Variants in NAALADL2 observed in about 807,000 individuals in gnomAD.
NAALADL2 encodes N-acetylated alpha-linked acidic dipeptidase like 2, also known as inactive N-acetylated-alpha-linked acidic dipeptidase-like protein 2.
NAALADL2 carries 76 observed loss-of-function variants against 87.2 expected under a neutral mutation model. The ratio of observed to expected loss-of-function variants is 0.87; its 90% confidence interval spans 0.72 to 1.05. The LOEUF is 1.05. Among genes scored for constraint, NAALADL2 ranks in the 50% least tolerant of loss-of-function variants. The pLI is 0.00. For missense variants in NAALADL2, 1,089 were observed against 945.8 expected (o/e 1.15, Z -1.99); for synonymous variants, 354 against 331.0 (o/e 1.07, Z -0.75).
chr3:175,019,689 G>A (rs1360121790), intron 1 of NAALADL2, among the ~76,000 whole-genome samples: 1 of 151,888 alleles, frequency 6.6e-6, no homozygotes, highest in East Asian at 1.9e-4. Flanking sequence ...CTGGAATGCC[G>A]TTAAGCAGTT....
intron 10 of NAALADL2, among the ~76,000 whole-genome samples, chr3:175,600,497 G>T: frequency 9.3e-6 from 1 of 107,042 alleles, no homozygotes; most frequent in Admixed American, 9.7e-5. Flanking sequence ...TACTTCATTT[G>T]CCTTTTGTCC....
At chr3:175,786,617 G>C (rs1485302824) in intron 13 of NAALADL2, among the ~76,000 whole-genome samples, 2 of 152,076 alleles carry the variant, frequency 1.3e-5, no homozygotes, top group East Asian at 1.9e-4. Context: ...TTTTTTCAAA[G>C]TTTGCCACTT....
At chr3:175,678,656 T>C (rs1018236412) in intron 11 of NAALADL2, among the ~76,000 whole-genome samples, 2 of 152,022 alleles carry the variant, frequency 1.3e-5, no homozygotes, top group African/African-American at 2.4e-5. Flanking sequence ...TTCTCAATCA[T>C]AGGTGGGAAT....
At chr3:174,752,935 G>A (rs1262551146) in intron 3 of NAALADL2, among the ~76,000 whole-genome samples, 3 of 152,070 alleles carry the variant, frequency 2.0e-5, no homozygotes, top group African/African-American at 4.8e-5. Flanking sequence ...ATGATGGAAG[G>A]CCTATACACA....
intron 2 of NAALADL2, among the ~76,000 whole-genome samples, chr3:175,194,055 G>A (rs1738619929): frequency 6.6e-6 from 1 of 151,832 alleles, no homozygotes; most frequent in African/African-American, 2.4e-5. Context: ...GTGTTGGTTT[G>A]TGAAAACTGA....
chr3:175,721,845 C>A (rs1213928875), intron 11 of NAALADL2, among the ~76,000 whole-genome samples: 1 of 151,980 alleles, frequency 6.6e-6, no homozygotes, highest in Non-Finnish European at 1.5e-5. Flanking sequence ...TGAGCTACTC[C>A]TGGAGAAGTT....
rs375111451 is a variant in NAALADL2, at chr3:175,713,919, C to T, written c.1897-23387C>T. ...CAATAGGCCCTGGTGTGTGATGTTC[C>T]CCATCCTATGTTCATGTGTTCTCAT... On this transcript the variant is annotated intron_variant, in intron 11 of 13. Coordinates refer to ENST00000454872, the MANE Select transcript of NAALADL2 (RefSeq NM_207015.3). Among the ~76,000 whole-genome samples, 18 of 152,136 alleles carry T rather than the reference C, an allele frequency of 1.2e-4. 1 individual carries two copies. Among genetic ancestry groups the T allele is most frequent in the African/African-American group, 3.9e-4 (16 of 41,502 alleles).
At chr3:175,229,707 A>G (rs1472515763) in intron 2 of NAALADL2, among the ~76,000 whole-genome samples, 1 of 151,950 alleles carries the variant, frequency 6.6e-6, no homozygotes, top group Non-Finnish European at 1.5e-5. Flanking sequence ...ATTTCAACAT[A>G]TGAATAAACA....
chr3:175,718,656 T>C, intron 11 of NAALADL2: 6 of 1,580,044 alleles, frequency 3.8e-6, no homozygotes, highest in Non-Finnish European at 5.2e-6. Flanking sequence ...CCCGAGCCCG[T>C]GGTGGCTGCC....
At chr3:175,698,855 T>A (rs1738571946) in intron 11 of NAALADL2, among the ~76,000 whole-genome samples, 1 of 151,892 alleles carries the variant, frequency 6.6e-6, no homozygotes, top group Admixed American at 6.6e-5. Flanking sequence ...TTGAACATTA[T>A]TTCAAATACA....
intron 2 of NAALADL2, among the ~76,000 whole-genome samples, chr3:174,554,235 C>G (rs188823182): frequency 6.6e-6 from 1 of 151,886 alleles, no homozygotes; most frequent in African/African-American, 2.4e-5. Context: ...TATACATAAA[C>G]AAAATAGTAT....
At chr3:174,850,960 C>T (rs962610574) in intron 3 of NAALADL2, among the ~76,000 whole-genome samples, 7 of 151,990 alleles carry the variant, frequency 4.6e-5, no homozygotes, top group South Asian at 4.1e-4. Context: ...ACCAGAGAAA[C>T]TTTGGAAACT....
chr3:175,504,369 G>A (rs1271422589), intron 9 of NAALADL2, among the ~76,000 whole-genome samples: 1 of 152,158 alleles, frequency 6.6e-6, no homozygotes, highest in Non-Finnish European at 1.5e-5. Flanking sequence ...AGGGTGAAAT[G>A]CCATGGACTG....
intron 5 of NAALADL2, among the ~76,000 whole-genome samples, chr3:175,366,052 C>T (rs1432880941): frequency 1.2e-4 from 13 of 106,074 alleles, no homozygotes; most frequent in African/African-American, 4.6e-4. Flanking sequence ...TGTTCCCCTT[C>T]CTGTGTCCAT....
chr3:174,772,634 G>T (rs930630481), intron 3 of NAALADL2, among the ~76,000 whole-genome samples: 2 of 152,116 alleles, frequency 1.3e-5, no homozygotes, highest in Non-Finnish European at 2.9e-5. Flanking sequence ...TAATAACTCT[G>T]ACCTAACTAT....
intron 1 of NAALADL2, among the ~76,000 whole-genome samples, chr3:175,046,367 C>T (rs1754671172): frequency 1.3e-5 from 2 of 152,132 alleles, no homozygotes; most frequent in Admixed American, 1.3e-4. Context: ...TTTGTTTCCT[C>T]AGGAACCAGT....
At position 174,895,693 on chromosome 3, in the gene NAALADL2, C is replaced by G. The variant is rs192105987; in HGVS notation, c.43+36243C>G. On this transcript the variant is annotated intron_variant, in intron 1 of 13. Transcript: ENST00000454872. ...AACTTATTGTATGAGGCCATTATCA[C>G]CCTGATATCAAAACCAGACAAATAC... Among the ~76,000 whole-genome samples, 667 of 152,186 alleles carry G rather than the reference C, an allele frequency of 4.4e-3. 4 individuals are homozygous for G. Among genetic ancestry groups the G allele is most frequent in the African/African-American group, 0.015 (621 of 41,528 alleles).
intron 1 of NAALADL2, among the ~76,000 whole-genome samples, chr3:174,542,086 C>G (rs1321287342): frequency 6.6e-6 from 1 of 152,164 alleles, no homozygotes; most frequent in Non-Finnish European, 1.5e-5. Flanking sequence ...AGAAAAGAAA[C>G]AGCAACTTCC....
At chr3:175,040,774 A>T (rs528757064) in intron 1 of NAALADL2, among the ~76,000 whole-genome samples, 1 of 152,212 alleles carries the variant, frequency 6.6e-6, no homozygotes, top group South Asian at 2.1e-4. Flanking sequence ...GCAAGGCCAT[A>T]ACAAATTCAG....
Sources: gnomAD v4.1 joint callset for allele counts (sites outside exome capture counted in the v4.1 genomes callset) on GRCh38, gnomAD v4.1.1 for gene constraint, MANE v1.5 for transcripts, NCBI Gene and HGNC (gene_info 2026-07-23, HGNC 2026-07-21) for gene names.